CLEC16A: variants seen among roughly 807,000 people sequenced by gnomAD.
CLEC16A encodes protein CLEC16A.
In CLEC16A, 51 loss-of-function variants were observed where a neutral mutation model predicts 109.5. The ratio of observed to expected loss-of-function variants is 0.47; its 90% confidence interval spans 0.37 to 0.59. The LOEUF (loss-of-function observed/expected upper bound fraction) is 0.59, where lower values mean the gene tolerates loss of function less well. Among genes scored for constraint, CLEC16A ranks in the 20% least tolerant of loss-of-function variants. The probability of loss-of-function intolerance (pLI) is 0.00; values close to 1 mark genes in which losing one functional copy is unlikely to be tolerated. For synonymous variants in CLEC16A, 673 were observed against 564.2 expected (o/e 1.19, Z -2.73); for missense variants, 1,339 against 1,394.0 (o/e 0.96, Z 0.63).
chr16:11,096,464 G>C (rs2050616038), intron 19 of CLEC16A, among the ~76,000 whole-genome samples: 1 of 152,178 alleles, frequency 6.6e-6, no homozygotes, highest in African/African-American at 2.4e-5. Flanking sequence ...AGCACACAGA[G>C]ACCCACGGGA....
intron 12 of CLEC16A, among the ~76,000 whole-genome samples, chr16:11,021,263 A>C: frequency 6.6e-6 from 1 of 152,216 alleles, no homozygotes; most frequent in East Asian, 1.9e-4. Flanking sequence ...AATTTTTATC[A>C]GATGTGCAAG....
Position 10,957,812 on chromosome 16 carries a change from C to G in CLEC16A, c.111C>G (p.Thr37=). Residue 37 remains threonine, a synonymous_variant, in exon 2 of 24, where the codon ACC becomes ACG. Transcript: ENST00000409790. ...TGTACCACGTTTTGACCAAAAACACCACAGTCACAGAACAGAACCGGAACC... is the reference window on the plus strand; with the variant it reads ...TGTACCACGTTTTGACCAAAAACACGACAGTCACAGAACAGAACCGGAACC... ...KYLYHVLTKN[T]TVTEQNRNLL... 6.2e-7 allele frequency: 1 copy of G among 1,613,720 alleles called. No homozygotes were observed. The highest frequency in any genetic ancestry group is 8.5e-7 in the Non-Finnish European group (1 of 1,179,682).
chr16:11,054,959 A>G (rs193244439), intron 18 of CLEC16A, among the ~76,000 whole-genome samples: 94 of 144,606 alleles, frequency 6.5e-4, no homozygotes, highest in Non-Finnish European at 1.2e-3. Context: ...TCCACCAAGT[A>G]GACTTTTTAA....
chr16:11,132,311 G>C (rs1263313240), intron 22 of CLEC16A, among the ~76,000 whole-genome samples: 5 of 145,216 alleles, frequency 3.4e-5, no homozygotes, highest in Admixed American at 1.5e-4. Flanking sequence ...TACGTAGTCT[G>C]GGTATTTCAT....
chr16:11,130,572 G>A (rs894705461), intron 22 of CLEC16A, among the ~76,000 whole-genome samples: 2 of 152,192 alleles, frequency 1.3e-5, no homozygotes, highest in African/African-American at 2.4e-5. Context: ...GTAGTGACAC[G>A]GGGAGCCGGG....
chr16:10,989,454 C>T (rs897712877), intron 10 of CLEC16A, among the ~76,000 whole-genome samples: 43 of 152,152 alleles, frequency 2.8e-4, no homozygotes, highest in African/African-American at 1.0e-3. Flanking sequence ...AAGCTGGTCT[C>T]GAACTCCTGG....
chr16:11,029,461 A>G (rs983140408), intron 13 of CLEC16A, among the ~76,000 whole-genome samples: 1 of 152,222 alleles, frequency 6.6e-6, no homozygotes, highest in Non-Finnish European at 1.5e-5. Context: ...CCTGAACTCC[A>G]GACTCTGCCT....
chr16:11,168,513 C>T (rs1412707923), intron 23 of CLEC16A, among the ~76,000 whole-genome samples: 1 of 152,264 alleles, frequency 6.6e-6, no homozygotes, highest in Non-Finnish European at 1.5e-5. Context: ...CTGTCTGGCT[C>T]TGCAGACACT....
intron 22 of CLEC16A, chr16:11,156,534 G>C: frequency 8.1e-7 from 1 of 1,229,570 alleles, no homozygotes; most frequent in Non-Finnish European, 1.1e-6. Flanking sequence ...GGAGTCTCCT[G>C]GGTGCTGTCT....
At chr16:11,110,720 C>G (rs2051529066) in intron 19 of CLEC16A, among the ~76,000 whole-genome samples, 1 of 152,084 alleles carries the variant, frequency 6.6e-6, no homozygotes, top group South Asian at 2.1e-4. Context: ...AGCCCCATGC[C>G]CCTCCCAGAT....
intron 8 of CLEC16A, among the ~76,000 whole-genome samples, chr16:10,977,776 C>G (rs2043102310): frequency 6.6e-6 from 1 of 152,156 alleles, no homozygotes. Context: ...CCTGGGCCTT[C>G]CAAAGTGCTG....
Position 11,181,886 on chromosome 16 carries a change from T to G in CLEC16A, c.*3196T>G, listed in dbSNP as rs2068968020. ...GGCGTGGGGTGAACTGATTTTGATC[T>G]TCTTGTCTAGATGCAATAAATAAAT... On this transcript the variant is annotated 3_prime_UTR_variant, in exon 24 of 24. Coordinates refer to ENST00000409790, the MANE Select transcript of CLEC16A (RefSeq NM_015226.3). 1 of 152,710 alleles carries G rather than the reference T, an allele frequency of 6.5e-6. No individual in the cohort carries two copies. The highest frequency in any genetic ancestry group is 1.5e-5 in the Non-Finnish European group (1 of 68,056). The allele number at this position is 152,710 out of a possible 1,614,324, so 9.5% of individuals were successfully genotyped here.
chr16:11,087,102 A>G (rs1011065084), intron 19 of CLEC16A, among the ~76,000 whole-genome samples: 5 of 152,236 alleles, frequency 3.3e-5, no homozygotes, highest in Non-Finnish European at 7.3e-5. Context: ...AGATCCATAA[A>G]CTAAATATGT....
intron 19 of CLEC16A, among the ~76,000 whole-genome samples, chr16:11,082,180 T>G (rs941666533): frequency 6.6e-6 from 1 of 152,220 alleles, no homozygotes; most frequent in African/African-American, 2.4e-5. Flanking sequence ...AAAATAACCT[T>G]AGAAACTGTG....
chr16:10,970,231 G>C (rs553262366), intron 4 of CLEC16A, among the ~76,000 whole-genome samples: 75 of 152,242 alleles, frequency 4.9e-4, no homozygotes, highest in Non-Finnish European at 6.2e-4. Context: ...AACCCCTCAT[G>C]GTCACAGGTT....
intron 13 of CLEC16A, among the ~76,000 whole-genome samples, chr16:11,037,031 G>A (rs918132137): frequency 6.6e-6 from 1 of 152,172 alleles, no homozygotes; most frequent in Non-Finnish European, 1.5e-5. Context: ...GCAGTCGTGG[G>A]GCGGGTAGTT....
At chr16:10,975,143 G>C (rs942042651) in intron 7 of CLEC16A, among the ~76,000 whole-genome samples, 4 of 152,072 alleles carry the variant, frequency 2.6e-5, no homozygotes, top group Admixed American at 6.6e-5. Context: ...AGGAGTTGAA[G>C]ACCAGCCTGG....
At chr16:10,964,076 G>T (rs758433351) in intron 3 of CLEC16A, among the ~76,000 whole-genome samples, 39 of 152,260 alleles carry the variant, frequency 2.6e-4, no homozygotes, top group African/African-American at 2.4e-5. Flanking sequence ...CAGGCTCTAA[G>T]TCCCCAGGAC....
At chr16:10,959,977 T>C (rs2042181109) in intron 2 of CLEC16A, among the ~76,000 whole-genome samples, 1 of 152,162 alleles carries the variant, frequency 6.6e-6, no homozygotes, top group South Asian at 2.1e-4. Context: ...TTAGAAAAGC[T>C]GCTGAGCTCT....
Sources: allele counts gnomAD v4.1 joint callset (sites outside exome capture counted in the v4.1 genomes callset), GRCh38; gene constraint gnomAD v4.1.1; transcripts MANE v1.5; gene names NCBI Gene and HGNC (gene_info 2026-07-23, HGNC 2026-07-21).